Variants in PRKCE observed in about 807,000 individuals in gnomAD.
PRKCE encodes protein kinase C epsilon, also known as protein kinase C epsilon type.
PRKCE carries 16 observed loss-of-function variants against 85.4 expected under a neutral mutation model. That is an observed-to-expected ratio of 0.19 (90% confidence interval 0.13 to 0.28). PRKCE has a LOEUF of 0.28. Among genes scored for constraint, PRKCE ranks in the 10% least tolerant of loss-of-function variants. The pLI, the probability that PRKCE is intolerant of heterozygous loss-of-function variation, is 1.00. For synonymous variants in PRKCE, 388 were observed against 371.5 expected, an observed-to-expected ratio of 1.04 and a Z score of -0.51; for missense variants, 573 against 975.2, an observed-to-expected ratio of 0.59 and a Z score of 5.49.
intron 2 of PRKCE, among the ~76,000 whole-genome samples, chr2:45,890,274 T>C (rs1695623782): frequency 6.6e-6 from 1 of 152,226 alleles, no homozygotes; most frequent in South Asian, 2.1e-4. Context: ...TCTTGCTTCA[T>C]CTGTACTTGT....
chr2:45,713,030 C>T (rs965930383), intron 1 of PRKCE, among the ~76,000 whole-genome samples: 1 of 152,206 alleles, frequency 6.6e-6, no homozygotes, highest in African/African-American at 2.4e-5. Context: ...AAAGCTCTCA[C>T]ACCTTTGTGT....
intron 2 of PRKCE, among the ~76,000 whole-genome samples, chr2:45,882,579 T>G (rs575253759): frequency 1.3e-5 from 2 of 152,396 alleles, no homozygotes; most frequent in East Asian, 3.9e-4. Context: ...AGTTGTTGAC[T>G]AGCTTTCTAC....
At chr2:45,796,859 C>T (rs764344516) in intron 1 of PRKCE, among the ~76,000 whole-genome samples, 14 of 152,166 alleles carry the variant, frequency 9.2e-5, no homozygotes, top group Non-Finnish European at 2.1e-4. Context: ...CTCAAGTGAT[C>T]CTCGCGCCTC....
At chr2:45,732,965 T>C (rs1448140573) in intron 1 of PRKCE, among the ~76,000 whole-genome samples, 5 of 152,202 alleles carry the variant, frequency 3.3e-5, no homozygotes, top group Non-Finnish European at 7.3e-5. Context: ...AGAGTAAATA[T>C]TTTTAGCTTT....
chr2:45,955,736 T>TA (rs1700928724), intron 2 of PRKCE, among the ~76,000 whole-genome samples: 3 of 152,186 alleles, frequency 2.0e-5, no homozygotes, highest in Admixed American at 1.3e-4. Flanking sequence ...TTTTGTATCT[T>TA]TAGTAGCTCC....
chr2:45,685,513 G>A (rs1376353718), intron 1 of PRKCE: 1 of 152,154 alleles, frequency 6.6e-6, no homozygotes, highest in Non-Finnish European at 1.5e-5. Flanking sequence ...AAACAGGCCA[G>A]GTGTGGTGGC....
At chr2:45,910,348 T>G (rs1697294824) in intron 2 of PRKCE, among the ~76,000 whole-genome samples, 1 of 152,140 alleles carries the variant, frequency 6.6e-6, no homozygotes, top group African/African-American at 2.4e-5. Flanking sequence ...GTGAGGAATC[T>G]AAAGGGTGCT....
intron 10 of PRKCE, 198 bp downstream of exon 10, chr2:46,010,715 G>T: frequency 6.3e-7 from 1 of 1,598,464 alleles, no homozygotes; most frequent in Non-Finnish European, 8.5e-7. Flanking sequence ...GGTTGTGCTT[G>T]TGAAGGGATG....
chr2:46,063,508 C>T lies in PRKCE; in HGVS notation c.1438-22700C>T, dbSNP rs952658896. ...TGTTCTGAACTTTTGAGCACAGACT[C>T]CCAGATGGTTTCTGTGGTCTGGGCC... On this transcript the variant is annotated intron_variant, in intron 10 of 14. Transcript: ENST00000306156. Among the ~76,000 whole-genome samples, 4 of 152,246 alleles carry T rather than the reference C, an allele frequency of 2.6e-5. No homozygotes were observed. The East Asian group carries it at 5.8e-4, about 22-fold the overall frequency.
chr2:46,113,616 T>A (rs1251305745), intron 11 of PRKCE, among the ~76,000 whole-genome samples: 1 of 152,170 alleles, frequency 6.6e-6, no homozygotes, highest in African/African-American at 2.4e-5. Context: ...AGGGAGAATG[T>A]CTTGACCTAT....
intron 2 of PRKCE, among the ~76,000 whole-genome samples, chr2:45,974,716 C>G (rs1476427247): frequency 1.3e-5 from 2 of 152,188 alleles, no homozygotes; most frequent in Non-Finnish European, 2.9e-5. Context: ...CTTCAGGGAA[C>G]CTTACATTCA....
chr2:45,888,639 T>TG (rs1275546590), intron 2 of PRKCE, among the ~76,000 whole-genome samples: 6 of 151,958 alleles, frequency 3.9e-5, no homozygotes, highest in Non-Finnish European at 5.9e-5. Context: ...TCAGTAGAGA[T>TG]GGGGGTTTCA....
At position 45,972,094 on chromosome 2, in the gene PRKCE, G is replaced by A. The variant is rs184590281; in HGVS notation, c.413-4335G>A. Among the ~76,000 whole-genome samples the A allele has an allele frequency of 5.3e-5, 8 of 152,242 alleles. No individual in the cohort carries two copies. The East Asian group carries it at 5.8e-4, about 11-fold the overall frequency. ...ACATTCCCATGAACAGTGAACAAGC[G>A]TTCGCTCTTCTCCACATCCTCGCTA... On this transcript the variant is annotated intron_variant, in intron 2 of 14. Coordinates refer to ENST00000306156, the MANE Select transcript of PRKCE (RefSeq NM_005400.3).
intron 11 of PRKCE, among the ~76,000 whole-genome samples, chr2:46,127,078 C>T (rs962973509): frequency 4.6e-5 from 7 of 152,174 alleles, no homozygotes; most frequent in Non-Finnish European, 8.8e-5. Flanking sequence ...AGCTTGAGAG[C>T]CAGAAAGCCC....
At chr2:45,958,062 G>A (rs1280766770) in intron 2 of PRKCE, among the ~76,000 whole-genome samples, 1 of 151,694 alleles carries the variant, frequency 6.6e-6, no homozygotes, top group Non-Finnish European at 1.5e-5. Context: ...CATGCCTTCT[G>A]GCTAATTCTG....
chr2:46,171,529 A>C (rs756633815), intron 14 of PRKCE, among the ~76,000 whole-genome samples: 7 of 152,216 alleles, frequency 4.6e-5, no homozygotes, highest in African/African-American at 9.6e-5. Flanking sequence ...AGGATAGTAC[A>C]TGCCAGGGGC....
chr2:45,983,318 A>C (rs1309546345), intron 5 of PRKCE, among the ~76,000 whole-genome samples: 1 of 152,166 alleles, frequency 6.6e-6, no homozygotes, highest in Non-Finnish European at 1.5e-5. Flanking sequence ...TCAGTCAGCC[A>C]GGGAGCTGAG....
At chr2:46,113,622 C>A (rs1453175551) in intron 11 of PRKCE, among the ~76,000 whole-genome samples, 1 of 152,136 alleles carries the variant, frequency 6.6e-6, no homozygotes, top group African/African-American at 2.4e-5. Context: ...AATGTCTTGA[C>A]CTATGGGGAA....
chr2:46,158,988 C>CTT (rs2104575006), intron 13 of PRKCE, among the ~76,000 whole-genome samples: 1 of 152,252 alleles, frequency 6.6e-6, no homozygotes, highest in East Asian at 1.9e-4. Flanking sequence ...ATAAGCCTTT[C>CTT]TTTTTCTTGT....
Sources: gnomAD v4.1 joint callset for allele counts (sites outside exome capture counted in the v4.1 genomes callset) on GRCh38, gnomAD v4.1.1 for gene constraint, MANE v1.5 for transcripts, NCBI Gene and HGNC (gene_info 2026-07-23, HGNC 2026-07-21) for gene names.